Variants in MTMR14 observed in about 807,000 individuals in gnomAD.
MTMR14 encodes myotubularin related protein 14.
MTMR14 carries 48 observed loss-of-function variants against 86.3 expected under a neutral mutation model. The ratio of observed to expected loss-of-function variants is 0.56; its 90% CI spans 0.44 to 0.71. MTMR14 has a LOEUF of 0.71. Among genes scored for constraint, MTMR14 ranks in the 30% least tolerant of loss-of-function variants. MTMR14 has a pLI of 0.00. For synonymous variants in MTMR14, 366 were observed against 326.1 expected, an observed-to-expected ratio of 1.12 and a Z score of -1.32; for missense variants, 780 against 834.6, an observed-to-expected ratio of 0.93 and a Z score of 0.81.
At chr3:9,672,464 G>A (rs1253773297) in intron 6 of MTMR14, among the ~76,000 whole-genome samples, 2 of 152,088 alleles carry the variant, frequency 1.3e-5, no homozygotes, top group African/African-American at 4.8e-5. Context: ...TGGTCTTGAC[G>A]GGGTTTCTCC....
intron 9 of MTMR14, among the ~76,000 whole-genome samples, chr3:9,680,654 G>C (rs147503478): frequency 3.3e-4 from 51 of 152,260 alleles, no homozygotes; most frequent in Middle Eastern, 3.4e-3. Context: ...GACCATCGTG[G>C]CTAACACAGT....
At chr3:9,656,126 C>T (rs111951987) in intron 2 of MTMR14, among the ~76,000 whole-genome samples, 18,898 of 151,882 alleles carry the variant, frequency 0.12, 1,508 homozygotes, top group African/African-American at 0.23. Context: ...ACCCAGGAGG[C>T]GGAGACTGCA....
rs1417551773 is a variant in MTMR14, at chr3:9,678,063, G to A, written c.897+5G>A. 1 of 1,613,908 alleles carries A rather than the reference G, an allele frequency of 6.2e-7. No homozygotes were observed. Among genetic ancestry groups the A allele is most frequent in the Non-Finnish European group, 8.5e-7 (1 of 1,179,958 alleles). On this transcript the variant is annotated splice_donor_5th_base_variant and intron_variant, in intron 9 of 18. Transcript: ENST00000296003. Reference sequence around the variant, plus strand: ...ATTGACTGGAGCCAGTATCAGGTGAGGGGCCTGACTCAAGCATTGAGGGCA... The same window carrying A: ...ATTGACTGGAGCCAGTATCAGGTGAAGGGCCTGACTCAAGCATTGAGGGCA...
chr3:9,693,134 G>A (rs944291425), intron 17 of MTMR14, among the ~76,000 whole-genome samples: 2 of 152,124 alleles, frequency 1.3e-5, no homozygotes, highest in Non-Finnish European at 1.5e-5. Context: ...CAAACTGACC[G>A]AAACAATAAA....
chr3:9,678,069 T>G lies in MTMR14; in HGVS notation c.897+11T>G. 1 of 1,613,794 alleles carries G rather than the reference T, an allele frequency of 6.2e-7. No homozygotes were observed. The highest frequency in any genetic ancestry group is 8.5e-7 in the Non-Finnish European group (1 of 1,179,862). ...TGGAGCCAGTATCAGGTGAGGGGCC[T>G]GACTCAAGCATTGAGGGCAGGATAA... On this transcript the variant is annotated intron_variant, in intron 9 of 18. Transcript: ENST00000296003.
At position 9,701,814 on chromosome 3, in the gene MTMR14, G is replaced by C; in HGVS notation, c.1794G>C (p.Glu598Asp). The change falls in exon 19 of 19, where the codon GAG becomes GAC. Residue 598 changes from glutamate to aspartate, a missense_variant. Physicochemically the swap from Glu to Asp is conservative, Grantham distance 45. Transcript: ENST00000296003. This position sits in a 1 kb window ranked among gnomAD's most constrained non-coding sequence, Gnocchi z 4.2. ...GGCTTGCAGCCCTGAGTGATCGAGAGACTCGGCTGCAGGAGGTGCGCTCAG... is the reference window on the plus strand; with the variant it reads ...GGCTTGCAGCCCTGAGTGATCGAGACACTCGGCTGCAGGAGGTGCGCTCAG... ...SCLLAALSDRETRLQEVRSAF... is the reference protein window; with the variant it reads ...SCLLAALSDRDTRLQEVRSAF... 6.2e-7 allele frequency: 1 copy of C among 1,613,808 alleles called. No homozygotes were observed.
intron 1 of MTMR14, among the ~76,000 whole-genome samples, chr3:9,650,116 A>G (rs550734955): frequency 1.3e-5 from 2 of 152,188 alleles, no homozygotes; most frequent in African/African-American, 4.8e-5. Flanking sequence ...AAAAGCTAAG[A>G]AAAATAGGGA....
At position 9,677,240 on chromosome 3, in the gene MTMR14, C is replaced by A. The variant is rs1305555613; in HGVS notation, c.752-77C>A. On this transcript the variant is annotated intron_variant, in intron 7 of 18. Transcript: ENST00000296003. This position sits in a 1 kb window ranked among gnomAD's most constrained non-coding sequence, Gnocchi z 4.2. Reference sequence around the variant, plus strand: ...GCCCCCTCTCCACAGCACTCAGGGACCTGGGTCTGGCCAGGGCTGTCTCAG... The same window carrying A: ...GCCCCCTCTCCACAGCACTCAGGGAACTGGGTCTGGCCAGGGCTGTCTCAG... 7.4e-7 allele frequency: 1 copy of A among 1,353,934 alleles called. No individual in the cohort carries two copies. Among genetic ancestry groups the A allele is most frequent in the African/African-American group, 1.4e-5 (1 of 69,718 alleles). 83.9% of individuals were successfully genotyped at this position (1,353,934 alleles called of 1,614,324 possible). A position where few individuals can be genotyped will look rare whatever the true frequency, so the allele number is the denominator to read the frequency against.
chr3:9,665,862 GGGACTA>G (rs1425637647), intron 3 of MTMR14, among the ~76,000 whole-genome samples: 1 of 151,358 alleles, frequency 6.6e-6, no homozygotes, highest in African/African-American at 2.4e-5. Context: ...CCGAGTAGCT[GGGACTA>G]CAGGTGCCTG....
At chr3:9,669,299 C>T (rs2048438220) in intron 4 of MTMR14, 133 bp from the exon 5 acceptor site, 1 of 755,576 alleles carries the variant, frequency 1.3e-6, no homozygotes, top group East Asian at 2.6e-5. Context: ...TGGGGGCATA[C>T]TGTGTCCTTA....
At chr3:9,669,896 T>C (rs960335337) in intron 5 of MTMR14, among the ~76,000 whole-genome samples, 5 of 152,186 alleles carry the variant, frequency 3.3e-5, no homozygotes, top group Non-Finnish European at 1.5e-5. Context: ...GGGCAAGGGC[T>C]ACAGTCCATA....
At chr3:9,656,988 C>T (rs2047643382) in intron 2 of MTMR14, among the ~76,000 whole-genome samples, 1 of 152,012 alleles carries the variant, frequency 6.6e-6, no homozygotes, top group Non-Finnish European at 1.5e-5. Context: ...TCATGGCTTG[C>T]TGCGGCCTTG....
chr3:9,659,862 C>G, intron 2 of MTMR14: 1 of 456,096 alleles, frequency 2.2e-6, no homozygotes, highest in South Asian at 1.5e-5. Context: ...GATGTGTCCT[C>G]CACCAGGGGT....
chr3:9,688,769 C>T lies in MTMR14; in HGVS notation c.1294+15C>T, dbSNP rs757690352. 6.8e-5 allele frequency: 110 copies of T among 1,614,012 alleles called. No homozygotes were observed. The highest frequency in any genetic ancestry group is 8.1e-5 in the Non-Finnish European group (96 of 1,180,026). On this transcript the variant is annotated intron_variant, in intron 15 of 18. Transcript: ENST00000296003. ...CTGCATGCTGAGTGAGTCCTGGGCC[C>T]CAACAGACTTCCCTTCCTCCATACA...
At position 9,689,023 on chromosome 3, in the gene MTMR14, G is replaced by C. The variant is rs1358917484; in HGVS notation, c.1374G>C (p.Gly458=). 6.2e-7 allele frequency: 1 copy of C among 1,613,914 alleles called. No individual in the cohort carries two copies. Among genetic ancestry groups the C allele is most frequent in the Non-Finnish European group, 8.5e-7 (1 of 1,180,032 alleles). The change falls in exon 16 of 19, where the codon GGG becomes GGC. Residue 458 remains glycine, a synonymous_variant. Coordinates refer to ENST00000296003, the MANE Select transcript of MTMR14 (RefSeq NM_001077525.3). ...LVMESSPGAT[G]SFTYEAVELV... ...TGGAGAGTTCCCCAGGAGCCACTGG[G>C]AGCTTCACCTATGAGGCCGTGGAGC... is the stretch of plus-strand genomic sequence containing the variant.
At chr3:9,654,880 C>G (rs763200809) in intron 2 of MTMR14, among the ~76,000 whole-genome samples, 7 of 152,284 alleles carry the variant, frequency 4.6e-5, no homozygotes, top group Admixed American at 1.3e-4. Flanking sequence ...CGTAGGCCAA[C>G]TGGGGAAATG....
chr3:9,664,771 C>T (rs1186097488), intron 3 of MTMR14, among the ~76,000 whole-genome samples: 5 of 151,572 alleles, frequency 3.3e-5, no homozygotes, highest in Non-Finnish European at 7.4e-5. Context: ...CTGACAGGAA[C>T]AAGGGGGAGG....
chr3:9,688,838 G>A (rs3868042), intron 15 of MTMR14, 84 bp downstream of exon 15: 76,297 of 1,593,442 alleles, frequency 0.048, 3,280 homozygotes, highest in African/African-American at 0.19. Flanking sequence ...GTGCTAAGAG[G>A]TTTTTTGTTT....
rs991435306 is a variant in MTMR14, at chr3:9,678,124, C to T, written c.897+66C>T. 3.9e-6 allele frequency: 6 copies of T among 1,537,094 alleles called. No individual in the cohort carries two copies. The Admixed American group carries it at 6.8e-5, about 17-fold the overall frequency. On this transcript the variant is annotated intron_variant, in intron 9 of 18. Coordinates refer to ENST00000296003, the MANE Select transcript of MTMR14 (RefSeq NM_001077525.3). ...GTGGTGACCAAGGAGACTCTTGATG[C>T]CTGCCCCACAAGGCCCTCGTGTGTT... is the stretch of plus-strand genomic sequence containing the variant.
Sources: gnomAD v4.1 joint callset for allele counts (sites outside exome capture counted in the v4.1 genomes callset) on GRCh38, gnomAD v4.1.1 for gene constraint, Gnocchi (gnomAD v3.1) non-coding constraint, MANE v1.5 for transcripts, NCBI Gene and HGNC (gene_info 2026-07-23, HGNC 2026-07-21) for gene names.